SEPSECS: variants seen among roughly 807,000 people sequenced by gnomAD.
SEPSECS encodes the protein Sep (O-phosphoserine) tRNA:Sec (selenocysteine) tRNA synthase, also known as O-phosphoseryl-tRNA(Sec) selenium transferase.
A neutral mutation model predicts 52.1 loss-of-function variants in SEPSECS; 42 were observed. The observed-to-expected ratio is 0.81, with a 90% CI of 0.63 to 1.04. The LOEUF (loss-of-function observed/expected upper bound fraction) is 1.04. SEPSECS is among the 50% of genes least tolerant of loss of function. The pLI is 0.00. For missense variants in SEPSECS, 590 were observed against 610.6 expected (o/e 0.97, Z 0.36); for synonymous variants, 216 against 211.4 (o/e 1.02, Z -0.19).
chr4:25,128,457 AAAAAC>A (rs1052926761), intron 8 of SEPSECS, among the ~76,000 whole-genome samples: 1 of 151,828 alleles, frequency 6.6e-6, no homozygotes, highest in Non-Finnish European at 1.5e-5. Flanking sequence ...AAACAAAAAC[AAAAAC>A]AAAACAAAAA....
chr4:25,123,715 T>C lies in SEPSECS; in HGVS notation c.*216A>G. ...CTAACAATTAGAAAAATGCTAATTG[T>C]ATATTATAACCTGTTAAGGATCACA... is the stretch of plus-strand genomic sequence containing the variant. On this transcript the variant is annotated 3_prime_UTR_variant, in exon 11 of 11. Coordinates refer to ENST00000382103, the MANE Select transcript of SEPSECS (RefSeq NM_016955.4). 1.8e-6 allele frequency: 1 copy of C among 551,574 alleles called. No individual in the cohort carries two copies. The highest frequency in any genetic ancestry group is 2.9e-5 in the East Asian group (1 of 34,082). The allele number at this position is 551,574 out of a possible 1,614,324, so 34.2% of individuals were successfully genotyped here. A position where few individuals can be genotyped will look rare whatever the true frequency, so the allele number is the denominator to read the frequency against.
chr4:25,148,680 G>A (rs1712136130), intron 6 of SEPSECS, among the ~76,000 whole-genome samples: 1 of 152,128 alleles, frequency 6.6e-6, no homozygotes, highest in African/African-American at 2.4e-5. Flanking sequence ...TAACAACAAT[G>A]TATTGTATAT....
chr4:25,157,780 C>A (rs1033281769), intron 2 of SEPSECS, among the ~76,000 whole-genome samples: 3 of 149,490 alleles, frequency 2.0e-5, no homozygotes, highest in Non-Finnish European at 4.5e-5. Context: ...CTCCTGACCT[C>A]GTGATCCGCC....
chr4:25,142,853 T>C (rs1039605971), intron 8 of SEPSECS, among the ~76,000 whole-genome samples: 3 of 152,240 alleles, frequency 2.0e-5, no homozygotes, highest in African/African-American at 4.8e-5. Flanking sequence ...GTCCAGGAAG[T>C]AACTCTTTTA....
rs1266665553 is a variant in SEPSECS, at chr4:25,120,021, T to C, written c.*3910A>G. On this transcript the variant is annotated 3_prime_UTR_variant, in exon 11 of 11. Transcript: ENST00000382103. ...AAAATAACGTACTGTCAGTGACTTATCAAAAATTTATTTCATATAATAAAT... is the reference window on the plus strand; with the variant it reads ...AAAATAACGTACTGTCAGTGACTTACCAAAAATTTATTTCATATAATAAAT... 6.6e-6 allele frequency: 1 copy of C among 152,052 alleles called. No individual in the cohort carries two copies. Among genetic ancestry groups the C allele is most frequent in the East Asian group, 1.9e-4 (1 of 5,200 alleles). 9.4% of individuals were successfully genotyped at this position (152,052 alleles called of 1,614,324 possible).
At chr4:25,150,505 A>G (rs1712235428) in intron 6 of SEPSECS, among the ~76,000 whole-genome samples, 2 of 152,220 alleles carry the variant, frequency 1.3e-5, no homozygotes, top group African/African-American at 2.4e-5. Context: ...TCAAATGGTG[A>G]TAAGTGTTCT....
At chr4:25,145,177 A>G (rs1275308067) in intron 6 of SEPSECS, 44 bp from the exon 7 acceptor site, 1 of 1,601,990 alleles carries the variant, frequency 6.2e-7, no homozygotes, top group Admixed American at 1.7e-5. Context: ...AGGAAAACAG[A>G]CAACTGCTAT....
chr4:25,160,520 T>G, upstream of SEPSECS: 1 of 640,360 alleles, frequency 1.6e-6, no homozygotes, highest in East Asian at 2.9e-5. Flanking sequence ...AAAAAAACAC[T>G]TCTCGTTCGT....
In SEPSECS at chr4:25,120,543, GGTT is replaced by G. The variant is rs1728081116; in HGVS notation, c.*3385_*3387del. 1 of 152,110 alleles carries G rather than the reference GGTT, an allele frequency of 6.6e-6. No homozygotes were observed. The highest frequency in any genetic ancestry group is 1.5e-5 in the Non-Finnish European group (1 of 67,994). The allele number at this position is 152,110 out of a possible 1,614,324, so 9.4% of individuals were successfully genotyped here. On this transcript the variant is annotated 3_prime_UTR_variant, in exon 11 of 11. Coordinates refer to ENST00000382103, the MANE Select transcript of SEPSECS (RefSeq NM_016955.4). ...TATTCAATTATTATCAAATTATTCA[GGTT>G]GTGAGACTTCTAAAATGACCAAATT...
At chr4:25,153,642 T>C (rs62411563) in intron 5 of SEPSECS, among the ~76,000 whole-genome samples, 1 of 151,886 alleles carries the variant, frequency 6.6e-6, no homozygotes, top group Non-Finnish European at 1.5e-5. Context: ...AAATGTATAC[T>C]GTATCCAAAA....
chr4:25,148,861 AT>A (rs1712145886), intron 6 of SEPSECS, among the ~76,000 whole-genome samples: 1 of 152,210 alleles, frequency 6.6e-6, no homozygotes, highest in Non-Finnish European at 1.5e-5. Flanking sequence ...TATCAAAGAA[AT>A]TTTTTAACAA....
intron 8 of SEPSECS, among the ~76,000 whole-genome samples, chr4:25,129,559 T>C (rs1728527720): frequency 6.6e-6 from 1 of 151,698 alleles, no homozygotes; most frequent in African/African-American, 2.4e-5. Flanking sequence ...GAGGCAGAGG[T>C]TGCAGTGAGC....
At chr4:25,154,898 C>G in intron 5 of SEPSECS, 100 bp downstream of exon 5, 1 of 1,211,892 alleles carries the variant, frequency 8.3e-7, no homozygotes, top group Non-Finnish European at 1.2e-6. Context: ...GACCATTCAC[C>G]TATTTATTGT....
chr4:25,123,874 G>A lies in SEPSECS; in HGVS notation c.*57C>T. ...CTCAAGTCTTATCTTTAAACTGCTT[G>A]CTTGTACTACAGCCTTATCATTTCT... On this transcript the variant is annotated 3_prime_UTR_variant, in exon 11 of 11. Transcript: ENST00000382103. 17 of 1,419,940 alleles carry A rather than the reference G, an allele frequency of 1.2e-5. No homozygotes were observed. The highest frequency in any genetic ancestry group is 1.7e-5 in the Admixed American group (1 of 59,488). The allele number at this position is 1,419,940 out of a possible 1,614,324, so 88.0% of individuals were successfully genotyped here.
At chr4:25,139,453 C>A (rs1728971961) in intron 8 of SEPSECS, among the ~76,000 whole-genome samples, 1 of 125,822 alleles carries the variant, frequency 7.9e-6, no homozygotes, top group Admixed American at 1.0e-4. Flanking sequence ...GTGGTGCAAT[C>A]TCAGCTCACT....
rs192519518 is a variant in SEPSECS, at chr4:25,148,756, T to C, written c.804+3204A>G. Among the ~76,000 whole-genome samples the C allele has an allele frequency of 3.3e-5, 5 of 152,294 alleles. No homozygotes were observed. The East Asian group carries it at 7.7e-4, about 24-fold the overall frequency. On this transcript the variant is annotated intron_variant, in intron 6 of 10. Transcript: ENST00000382103. Reference sequence around the variant, plus strand: ...ACAAAAAGATATAATAAATGCCACATAATGGATAGCCTAAGTACTCTGACT... The same window carrying C: ...ACAAAAAGATATAATAAATGCCACACAATGGATAGCCTAAGTACTCTGACT...
At chr4:25,141,302 G>A (rs1032207055) in intron 8 of SEPSECS, among the ~76,000 whole-genome samples, 2 of 152,132 alleles carry the variant, frequency 1.3e-5, no homozygotes, top group Non-Finnish European at 2.9e-5. Flanking sequence ...TACACTCACT[G>A]TCTTGCAATC....
At chr4:25,152,297 CA>C (rs563505534) in intron 5 of SEPSECS, among the ~76,000 whole-genome samples, 1 of 151,246 alleles carries the variant, frequency 6.6e-6, no homozygotes, top group South Asian at 2.1e-4. Context: ...TATCAATATA[CA>C]AAAAAAATAC....
In SEPSECS at chr4:25,125,756, G is replaced by GT. The variant is rs761072755; in HGVS notation, c.1148dup (p.His383GlnfsTer3). Reference sequence around the variant, plus strand: ...CAAGCTGAGTGACAGCTTTGTCACGGTGTTCATCTAGTGTTTTAAGTGTCA... The same window carrying GT: ...CAAGCTGAGTGACAGCTTTGTCACGGTTGTTCATCTAGTGTTTTAAGTGTCA... On this transcript the variant is annotated frameshift_variant, in exon 10 of 11. Transcript: ENST00000382103. LOFTEE classifies it high-confidence loss of function. The GT allele has an allele frequency of 1.2e-6, 2 of 1,612,788 alleles. No homozygotes were observed. Among genetic ancestry groups the GT allele is most frequent in the Admixed American group, 3.3e-5 (2 of 59,914 alleles).
Sources: allele counts gnomAD v4.1 joint callset (sites outside exome capture counted in the v4.1 genomes callset), GRCh38; gene constraint gnomAD v4.1.1; transcripts MANE v1.5; gene names NCBI Gene and HGNC (gene_info 2026-07-23, HGNC 2026-07-21).